The following CHLSN variants were observed in gnomAD, a reference collection of about 807,000 sequenced individuals.
The protein encoded by CHLSN is protein cholesin.
chr7:1,010,221 C>T, the CHLSN span: 1 of 1,338,170 alleles, frequency 7.5e-7, no homozygotes, highest in Non-Finnish European at 1.0e-6. Context: ...GCTTCCCGAG[C>T]CCACCCTCAC....
At chr7:1,100,765 G>C in the CHLSN span, among the ~76,000 whole-genome samples, 1 of 151,390 alleles carries the variant, frequency 6.6e-6, no homozygotes, top group Non-Finnish European at 1.5e-5. Flanking sequence ...GGGGCTTCTT[G>C]TGGTTAAAAA....
chr7:1,102,618 A>G, the CHLSN span, among the ~76,000 whole-genome samples: 2 of 152,148 alleles, frequency 1.3e-5, no homozygotes, highest in Non-Finnish European at 2.9e-5. Context: ...TTTATTAAAA[A>G]GCTTTAAGAG....
the CHLSN span, among the ~76,000 whole-genome samples, chr7:1,125,253 T>G: frequency 2.6e-5 from 4 of 151,656 alleles, no homozygotes; most frequent in Non-Finnish European, 5.9e-5. Context: ...CTCCAAGCAC[T>G]GGCTGTGCCC....
At chr7:1,039,684 C>T in the CHLSN span, among the ~76,000 whole-genome samples, 3 of 65,088 alleles carry the variant, frequency 4.6e-5, no homozygotes, top group Middle Eastern at 6.6e-3. Context: ...CCCAACAGCT[C>T]ATTGAGAACG....
At chr7:1,137,815 G>A in the CHLSN span, 92,053 of 151,886 alleles carry the variant, frequency 0.61, 29,607 homozygotes, top group African/African-American at 0.83. Context: ...CTCAAAAATT[G>A]AAAAAGAGAA....
the CHLSN span, among the ~76,000 whole-genome samples, chr7:1,016,076 G>GCAGCGCACAGCAGCACACGC: frequency 8.1e-6 from 1 of 122,974 alleles, no homozygotes; most frequent in African/African-American, 3.7e-5. Flanking sequence ...CCAGCGCACA[G>GCAGCGCACAGCAGCACACGC]CAGCACACAG....
chr7:1,029,596 C>T, the CHLSN span, among the ~76,000 whole-genome samples: 1 of 152,206 alleles, frequency 6.6e-6, no homozygotes, highest in Non-Finnish European at 1.5e-5. Flanking sequence ...GCGAGGGAGC[C>T]GCACTGGCCA....
chr7:1,087,026 C>T, the CHLSN span: 1 of 152,266 alleles, frequency 6.6e-6, no homozygotes, highest in Non-Finnish European at 1.5e-5. Flanking sequence ...TCGCTCTGCC[C>T]TCATGGGGCG....
At chr7:1,023,997 T>C in the CHLSN span, among the ~76,000 whole-genome samples, 1 of 151,384 alleles carries the variant, frequency 6.6e-6, no homozygotes, top group African/African-American at 2.4e-5. This position sits in a 1 kb window ranked among gnomAD's most constrained non-coding sequence, Gnocchi z 5.0. Context: ...TGTGCCACCA[T>C]GCCTGGCCAG....
chr7:1,040,987 C>A, the CHLSN span, among the ~76,000 whole-genome samples: 2 of 152,250 alleles, frequency 1.3e-5, no homozygotes, highest in Admixed American at 6.5e-5. Flanking sequence ...GGGGTCAACC[C>A]GAAGCCAGAG....
chr7:1,067,053 G>C, the CHLSN span, among the ~76,000 whole-genome samples: 11 of 146,494 alleles, frequency 7.5e-5, no homozygotes, highest in African/African-American at 2.8e-4. Context: ...CAGTCTATTG[G>C]CAGAAGCTGG....
chr7:986,598 C>G, the CHLSN span: 1 of 1,611,458 alleles, frequency 6.2e-7, no homozygotes, highest in Non-Finnish European at 8.5e-7. Flanking sequence ...GCGTCCTTAT[C>G]TCCGCTCCTC....
the CHLSN span, among the ~76,000 whole-genome samples, chr7:1,061,382 T>C: frequency 6.6e-6 from 1 of 151,960 alleles, no homozygotes; most frequent in Non-Finnish European, 1.5e-5. Flanking sequence ...GACACTTCAC[T>C]GTGCACCATG....
At chr7:1,057,878 C>G in the CHLSN span, 1 of 777,226 alleles carries the variant, frequency 1.3e-6, no homozygotes, top group African/African-American at 1.7e-5. Context: ...ACTCCACCGC[C>G]CTGCTGAGCC....
At chr7:1,118,483 A>G in the CHLSN span, among the ~76,000 whole-genome samples, 1 of 152,254 alleles carries the variant, frequency 6.6e-6, no homozygotes, top group Non-Finnish European at 1.5e-5. Flanking sequence ...AACAGACTCA[A>G]AAGTATCAAG....
At chr7:980,078 AC>A in the CHLSN span, among the ~76,000 whole-genome samples, 1 of 152,236 alleles carries the variant, frequency 6.6e-6, no homozygotes, top group Admixed American at 6.5e-5. Flanking sequence ...GCGCAGTGTT[AC>A]GTTACGCAAA....
the CHLSN span, chr7:1,091,696 C>T: frequency 9.5e-6 from 14 of 1,471,614 alleles, no homozygotes; most frequent in South Asian, 9.5e-5. Flanking sequence ...GGGAGCCTTT[C>T]GGCAAATCTT....
At chr7:1,100,708 G>A in the CHLSN span, among the ~76,000 whole-genome samples, 3 of 152,076 alleles carry the variant, frequency 2.0e-5, no homozygotes, top group Non-Finnish European at 2.9e-5. Context: ...GTCCCCAGCC[G>A]GAGCCCCTCA....
chr7:1,034,006 T>G, the CHLSN span, among the ~76,000 whole-genome samples: 1 of 152,108 alleles, frequency 6.6e-6, no homozygotes, highest in Non-Finnish European at 1.5e-5. Context: ...GAAATATAAC[T>G]CTCTGTATTT....
Sources: gnomAD v4.1 joint callset for allele counts (sites outside exome capture counted in the v4.1 genomes callset) on GRCh38, gnomAD v4.1.1 for gene constraint, Gnocchi (gnomAD v3.1) non-coding constraint, MANE v1.5 for transcripts, NCBI Gene and HGNC (gene_info 2026-07-23, HGNC 2026-07-21) for gene names.